Variants in URB1 observed in about 807,000 individuals in gnomAD.
The protein encoded by URB1 is URB1 ribosome biogenesis factor.
In URB1, 197 loss-of-function variants were observed where a neutral mutation model predicts 242.3. That is an observed-to-expected ratio of 0.81 (90% CI 0.72 to 0.91). The LOEUF is 0.91. Among genes scored for constraint, URB1 ranks in the 40% least tolerant of loss-of-function variants. The pLI, the probability that URB1 is intolerant of heterozygous loss-of-function variation, is 0.00. For missense variants in URB1, 2,721 were observed against 2,860.5 expected (o/e 0.95, Z 1.11); for synonymous variants, 1,153 against 1,201.8 (o/e 0.96, Z 0.84).
intron 25 of URB1, 145 bp downstream of exon 25, chr21:32,341,321 C>G: frequency 1.3e-6 from 1 of 743,082 alleles, no homozygotes; most frequent in Non-Finnish European, 2.2e-6. Flanking sequence ...AATCATTTAA[C>G]TTCTCCAACT....
At chr21:32,384,207 A>G (rs1380119199) in intron 3 of URB1, 106 bp downstream of exon 3, 5 of 1,356,302 alleles carry the variant, frequency 3.7e-6, no homozygotes, top group East Asian at 5.1e-5. Flanking sequence ...GAAATAGCTC[A>G]GCTCTCCTCT....
chr21:32,311,919 C>A lies in URB1; in HGVS notation c.*2999G>T. On this transcript the variant is annotated 3_prime_UTR_variant, in exon 39 of 39. Transcript: ENST00000382751. ...CCCCACTCTCCTCTGGGAACTGACC[C>A]TCAATGGGGGTCCCCTCGTCAGGAG... The A allele has an allele frequency of 6.2e-7, 1 of 1,613,832 alleles. No homozygotes were observed. Among genetic ancestry groups the A allele is most frequent in the East Asian group, 2.2e-5 (1 of 44,882 alleles).
chr21:32,316,600 T>C lies in URB1; in HGVS notation c.6500A>G (p.Gln2167Arg), dbSNP rs2032690249. ...CGTATTGAACAGGCAGGCCACCTCCTGCACAGGCCCTGCCAGCCCCTCAGC... is the reference window on the plus strand; with the variant it reads ...CGTATTGAACAGGCAGGCCACCTCCCGCACAGGCCCTGCCAGCCCCTCAGC... ...CGAEGLAGPV[Q>R]EVACLFNTVM... The change falls in exon 38 of 39, where the codon CAG becomes CGG. Residue 2167 changes from glutamine (Q) to arginine (R), a missense_variant. Transcript: ENST00000382751. 1.3e-6 allele frequency: 2 copies of C among 1,551,452 alleles called. No individual in the cohort carries two copies. The highest frequency in any genetic ancestry group is 1.7e-6 in the Non-Finnish European group (2 of 1,146,976).
At chr21:32,337,199 G>C (rs1168198563) in intron 27 of URB1, 42 bp from the exon 28 acceptor site, 1 of 1,543,920 alleles carries the variant, frequency 6.5e-7, no homozygotes, top group Non-Finnish European at 8.8e-7. Flanking sequence ...ATGAACCCCT[G>C]ACACCCTCCT....
In URB1 at chr21:32,359,845, T is replaced by C. The variant is rs1272098729; in HGVS notation, c.1820A>G (p.Lys607Arg). ...GCTGGCCGGCAGCTCCAGGGCCACC[T>C]TCAGCATGTGGTGCTGCAGAATGGG... ...VPPILQHHML[K>R]VALELPASKF... is the part of the protein sequence containing the mutation. Residue 607 changes from lysine (K) to arginine (R), a missense_variant, in exon 14 of 39, where the codon AAG (lysine) becomes AGG (arginine). By Grantham distance (26) the Lys-to-Arg change is conservative. Transcript: ENST00000382751. The C allele has an allele frequency of 1.4e-5, 22 of 1,548,126 alleles. No homozygotes were observed. Among genetic ancestry groups the C allele is most frequent in the Non-Finnish European group, 1.9e-5 (22 of 1,145,634 alleles).
Position 32,336,475 on chromosome 21 carries a change from G to A in URB1, c.4685+619C>T, listed in dbSNP as rs144070729. 4.4e-3 allele frequency among the ~76,000 whole-genome samples: 676 copies of A among 152,270 alleles called. 3 individuals carry two copies. The highest frequency in any genetic ancestry group is 0.013 in the African/African-American group (525 of 41,560). On this transcript the variant is annotated intron_variant, in intron 28 of 38. Coordinates refer to ENST00000382751, the MANE Select transcript of URB1 (RefSeq NM_014825.3). ...AGGGCAGCAAAGAGGATCCAAAAGT[G>A]CATTCTATCAATGGCACATTTGATC...
At chr21:32,367,934 C>T (rs186040825) in intron 9 of URB1, among the ~76,000 whole-genome samples, 10 of 152,256 alleles carry the variant, frequency 6.6e-5, no homozygotes, top group African/African-American at 2.4e-4. Flanking sequence ...AGGCAAAACG[C>T]TATAGAAGAT....
intron 30 of URB1, among the ~76,000 whole-genome samples, chr21:32,328,860 T>C (rs771840667): frequency 6.6e-6 from 1 of 152,210 alleles, no homozygotes; most frequent in Non-Finnish European, 1.5e-5. Context: ...AAAATAGTTA[T>C]AAATGCCATT....
At chr21:32,361,167 G>GAAAC in intron 12 of URB1, 44 bp from the exon 13 acceptor site, 1 of 604,634 alleles carries the variant, frequency 1.7e-6, no homozygotes, top group Non-Finnish European at 2.7e-6. Context: ...AAAAAAGAAA[G>GAAAC]AAAGAAAGAA....
intron 11 of URB1, among the ~76,000 whole-genome samples, 179 bp from the exon 12 acceptor site, chr21:32,362,200 C>G (rs2033297381): frequency 6.6e-6 from 1 of 151,578 alleles, no homozygotes; most frequent in South Asian, 2.1e-4. Context: ...AAGTTCTGCT[C>G]TGCAGTATAA....
chr21:32,386,774 ATGAG>A (rs1161982172), intron 1 of URB1, among the ~76,000 whole-genome samples: 1 of 152,184 alleles, frequency 6.6e-6, no homozygotes, highest in Non-Finnish European at 1.5e-5. Context: ...CACCCTAGGT[ATGAG>A]TATTTTTTTC....
At position 32,314,912 on chromosome 21, in the gene URB1, CAGGAG is replaced by C; in HGVS notation, c.*1_*5del. ...CATCAGGGTGCAAGGTGCTGGCCGG[CAGGAG>C]TCAAGCATCTGAGGCTGCGCTGGCG... On this transcript the variant is annotated 3_prime_UTR_variant, in exon 39 of 39. Transcript: ENST00000382751. 1 of 1,548,352 alleles carries C rather than the reference CAGGAG, an allele frequency of 6.5e-7. No homozygotes were observed. The highest frequency in any genetic ancestry group is 1.2e-5 in the South Asian group (1 of 83,672).
chr21:32,312,179 G>A lies in URB1; in HGVS notation c.*2739C>T, dbSNP rs1414469226. On this transcript the variant is annotated 3_prime_UTR_variant, in exon 39 of 39. Transcript: ENST00000382751. The stretch of plus-strand genomic sequence containing the variant: ...ATTGCAGTGGCCCCTCGAGTGCAGA[G>A]GTCATCCCAGGTGTTGCTGAGTTTA... The A allele has an allele frequency of 8.0e-6, 12 of 1,504,006 alleles. No individual in the cohort carries two copies. Among genetic ancestry groups the A allele is most frequent in the Non-Finnish European group, 1.1e-5 (12 of 1,130,100 alleles). 93.2% of individuals were successfully genotyped at this position (1,504,006 alleles called of 1,614,324 possible). A position where few individuals can be genotyped will look rare whatever the true frequency, so the allele number is the denominator to read the frequency against.
chr21:32,333,354 G>T lies in URB1; in HGVS notation c.4923C>A (p.Cys1641Ter). ...RVDLDGLYDP[C>*]FLLQLFSELT... is the part of the protein sequence containing the mutation. ...GCTCACTGAAGAGCTGAAGGAGAAAGCAGGGGTCATAGAGGCCATCAAGAT... is the reference window on the plus strand; with the variant it reads ...GCTCACTGAAGAGCTGAAGGAGAAATCAGGGGTCATAGAGGCCATCAAGAT... Residue 1641 changes from cysteine to a stop codon, truncating the protein, a stop_gained, in exon 30 of 39, where the codon TGC (cysteine) becomes TGA (stop). Coordinates refer to ENST00000382751, the MANE Select transcript of URB1 (RefSeq NM_014825.3). LOFTEE classifies it high-confidence loss of function. 1 of 1,551,792 alleles carries T rather than the reference G, an allele frequency of 6.4e-7. No individual in the cohort carries two copies.
chr21:32,381,850 A>G (rs117697254), intron 4 of URB1, among the ~76,000 whole-genome samples: 4,671 of 152,334 alleles, frequency 0.031, 113 homozygotes, highest in Middle Eastern at 0.061. Flanking sequence ...CTGAAGCTGG[A>G]CAGCTGGTAC....
At chr21:32,379,543 TGAG>T (rs957889893) in intron 4 of URB1, among the ~76,000 whole-genome samples, 2 of 152,270 alleles carry the variant, frequency 1.3e-5, no homozygotes, top group African/African-American at 2.4e-5. Flanking sequence ...GTGATGATGA[TGAG>T]GAGGAGGAGG....
rs2033192334 is a variant in URB1, at chr21:32,354,174, G to A, written c.2246-71C>T. The A allele has an allele frequency of 5.3e-6, 8 of 1,519,060 alleles. No individual in the cohort carries two copies. The South Asian group carries it at 7.5e-5, about 14-fold the overall frequency. The allele number at this position is 1,519,060 out of a possible 1,614,324, so 94.1% of individuals were successfully genotyped here. A position where few individuals can be genotyped will look rare whatever the true frequency, so the allele number is the denominator to read the frequency against. On this transcript the variant is annotated intron_variant, in intron 17 of 38. Coordinates refer to ENST00000382751, the MANE Select transcript of URB1 (RefSeq NM_014825.3). ...GGGTTTCACTGCAAATACCCACAGG[G>A]AGGCAGAAGCAGAATACGTGCAAAA...
intron 19 of URB1, among the ~76,000 whole-genome samples, chr21:32,352,045 C>G (rs1227040948): frequency 6.6e-6 from 1 of 152,194 alleles, no homozygotes; most frequent in African/African-American, 2.4e-5. Flanking sequence ...CCAAAAAACA[C>G]ACAGAAAACA....
chr21:32,392,513 C>T (rs1195946302), intron 1 of URB1, among the ~76,000 whole-genome samples: 1 of 152,196 alleles, frequency 6.6e-6, no homozygotes, highest in African/African-American at 2.4e-5. Flanking sequence ...CTGAGGGATG[C>T]TGCCTGGGCA....
Sources: allele counts gnomAD v4.1 joint callset (sites outside exome capture counted in the v4.1 genomes callset), GRCh38; gene constraint gnomAD v4.1.1; transcripts MANE v1.5; gene names NCBI Gene and HGNC (gene_info 2026-07-23, HGNC 2026-07-21).